The following CCDC148 variants were observed in gnomAD, a reference collection of about 807,000 sequenced individuals.
The protein encoded by CCDC148 is coiled-coil domain containing 148.
Under a neutral mutation model 85.7 loss-of-function variants are expected in CCDC148, and 89 were observed. The ratio of observed to expected loss-of-function variants is 1.04; its 90% CI spans 0.87 to 1.24. CCDC148 has a LOEUF of 1.24. Among genes scored for constraint, CCDC148 ranks in the 50% most tolerant of loss-of-function variants. The pLI, the probability that CCDC148 is intolerant of heterozygous loss-of-function variation, is 0.00. For missense variants in CCDC148, 692 were observed against 671.7 expected (o/e 1.03, Z -0.33); for synonymous variants, 230 against 213.9 (o/e 1.08, Z -0.66).
intron 7 of CCDC148, among the ~76,000 whole-genome samples, chr2:158,324,646 G>A (rs1458906484): frequency 1.3e-5 from 2 of 151,990 alleles, no homozygotes; most frequent in African/African-American, 2.4e-5. Context: ...TTGATGACAT[G>A]GTGTCAGACT....
At chr2:158,330,430 T>C (rs1211314428) in intron 7 of CCDC148, among the ~76,000 whole-genome samples, 1 of 152,230 alleles carries the variant, frequency 6.6e-6, no homozygotes, top group Non-Finnish European at 1.5e-5. Flanking sequence ...CTGAGGATTT[T>C]TGCATCAATG....
chr2:158,382,519 AT>A (rs1256984980), intron 1 of CCDC148, among the ~76,000 whole-genome samples: 1 of 152,140 alleles, frequency 6.6e-6, no homozygotes, highest in Non-Finnish European at 1.5e-5. Flanking sequence ...GTATTAACTT[AT>A]TTGCTCCAAG....
chr2:158,309,653 A>G lies in CCDC148; in HGVS notation c.904-14T>C. ...CTCGTGTTCAACCTGAAAAGATAAC[A>G]GAGGGTGAATACTTATCATTATGAA... On this transcript the variant is annotated splice_polypyrimidine_tract_variant and intron_variant, in intron 8 of 13. Transcript: ENST00000283233. 6.4e-7 allele frequency: 1 copy of G among 1,574,332 alleles called. No homozygotes were observed. Among genetic ancestry groups the G allele is most frequent in the East Asian group, 2.2e-5 (1 of 44,592 alleles).
intron 9 of CCDC148, among the ~76,000 whole-genome samples, chr2:158,281,083 A>G (rs1214961380): frequency 6.6e-6 from 1 of 152,196 alleles, no homozygotes; most frequent in African/African-American, 2.4e-5. Flanking sequence ...AACCGACGAG[A>G]ACAAAGACAC....
At chr2:158,409,497 C>T (rs1260116242) in intron 1 of CCDC148, among the ~76,000 whole-genome samples, 1 of 152,168 alleles carries the variant, frequency 6.6e-6, no homozygotes, top group East Asian at 1.9e-4. Context: ...GGGCCTGTAG[C>T]CCCTTTGTTT....
At chr2:158,325,953 A>G (rs930007621) in intron 7 of CCDC148, among the ~76,000 whole-genome samples, 19 of 152,154 alleles carry the variant, frequency 1.2e-4, no homozygotes, top group Admixed American at 1.2e-3. Context: ...AGTTTATCTT[A>G]AACACAGTAA....
chr2:158,259,695 A>C (rs1305724120), intron 9 of CCDC148, among the ~76,000 whole-genome samples: 1 of 151,920 alleles, frequency 6.6e-6, no homozygotes, highest in Admixed American at 6.6e-5. Flanking sequence ...TTATTTGTAT[A>C]CCACCTTGTC....
chr2:158,293,564 G>GT (rs1219783461), intron 9 of CCDC148, among the ~76,000 whole-genome samples: 1 of 152,106 alleles, frequency 6.6e-6, no homozygotes, highest in South Asian at 2.1e-4. Flanking sequence ...TTAACAAAAT[G>GT]TTTTTTTCCC....
intron 10 of CCDC148, among the ~76,000 whole-genome samples, chr2:158,248,866 T>A (rs371873619): frequency 2.1e-4 from 32 of 152,254 alleles, no homozygotes; most frequent in African/African-American, 7.0e-4. Flanking sequence ...GTTAGCCCTT[T>A]GGGTGCCTCA....
At chr2:158,190,763 C>T (rs1359391992) in intron 11 of CCDC148, among the ~76,000 whole-genome samples, 1 of 151,860 alleles carries the variant, frequency 6.6e-6, no homozygotes, top group East Asian at 1.9e-4. Context: ...AATTCTTATG[C>T]TAATTTTGTT....
intron 10 of CCDC148, among the ~76,000 whole-genome samples, chr2:158,242,720 C>T (rs1372732018): frequency 6.6e-6 from 1 of 151,798 alleles, no homozygotes; most frequent in African/African-American, 2.4e-5. Flanking sequence ...CCAATACCTC[C>T]ATATCTAGGA....
intron 9 of CCDC148, among the ~76,000 whole-genome samples, chr2:158,286,676 C>T (rs1309507722): frequency 3.3e-5 from 5 of 152,068 alleles, no homozygotes; most frequent in Non-Finnish European, 7.4e-5. Flanking sequence ...ATGGAGGGTT[C>T]AGAAGTAGAT....
In CCDC148 at chr2:158,220,594, C is replaced by T; in HGVS notation, c.1370+1G>A. 6.3e-7 allele frequency: 1 copy of T among 1,598,476 alleles called. No individual in the cohort carries two copies. Among genetic ancestry groups the T allele is most frequent in the Non-Finnish European group, 8.5e-7 (1 of 1,171,640 alleles). On this transcript the variant is annotated splice_donor_variant, in intron 11 of 13. Coordinates refer to ENST00000283233, the MANE Select transcript of CCDC148 (RefSeq NM_138803.4). LOFTEE classifies it high-confidence loss of function. The stretch of plus-strand genomic sequence containing the variant: ...CCACACAATTTTAAATTTTCTTTTA[C>T]CTTTCTCTGTCTTTTAGTGACTGTT...
intron 9 of CCDC148, among the ~76,000 whole-genome samples, chr2:158,298,038 G>A (rs766033420): frequency 9.2e-5 from 14 of 152,180 alleles, no homozygotes; most frequent in Admixed American, 2.0e-4. Context: ...CAGTCATGGC[G>A]GAAGGGTAAG....
At chr2:158,351,667 C>T (rs907175819) in intron 2 of CCDC148, among the ~76,000 whole-genome samples, 2 of 152,176 alleles carry the variant, frequency 1.3e-5, no homozygotes, top group African/African-American at 4.8e-5. Context: ...CCGCCATTGC[C>T]CAGGCTTGAT....
At chr2:158,281,771 A>T (rs1167013651) in intron 9 of CCDC148, among the ~76,000 whole-genome samples, 1 of 152,224 alleles carries the variant, frequency 6.6e-6, no homozygotes, top group African/African-American at 2.4e-5. Context: ...TCCCTAACTC[A>T]TTTTATGAGG....
At chr2:158,227,626 A>T (rs1379235599) in intron 10 of CCDC148, among the ~76,000 whole-genome samples, 1 of 152,218 alleles carries the variant, frequency 6.6e-6, no homozygotes, top group Admixed American at 6.5e-5. Context: ...TCAGTGGAAC[A>T]GAACAGAGCC....
At chr2:158,433,074 C>CAAAAAAAAAAAAAAAA (rs755383954) in intron 1 of CCDC148, among the ~76,000 whole-genome samples, 1 of 74,020 alleles carries the variant, frequency 1.4e-5, no homozygotes, top group African/African-American at 5.1e-5. Context: ...CTCATCTCTA[C>CAAAAAAAAAAAAAAAA]AAAAAAAAAA....
intron 1 of CCDC148, among the ~76,000 whole-genome samples, chr2:158,386,449 G>A (rs940801546): frequency 1.3e-5 from 2 of 151,778 alleles, no homozygotes; most frequent in African/African-American, 2.4e-5. Context: ...GGTACATGAA[G>A]GCAAATTAAC....
Sources: gnomAD v4.1 joint callset for allele counts (sites outside exome capture counted in the v4.1 genomes callset) on GRCh38, gnomAD v4.1.1 for gene constraint, MANE v1.5 for transcripts, NCBI Gene and HGNC (gene_info 2026-07-23, HGNC 2026-07-21) for gene names.